PXDNL: variants seen among roughly 807,000 people sequenced by gnomAD.
The protein encoded by PXDNL is peroxidasin like, also known as probable oxidoreductase PXDNL.
PXDNL carries 145 observed loss-of-function variants against 150.8 expected under a neutral mutation model. The observed-to-expected ratio is 0.96, with a 90% CI of 0.84 to 1.10. The LOEUF is 1.10. PXDNL is among the 50% of genes least tolerant of loss of function. PXDNL has a pLI of 0.00. For synonymous variants in PXDNL, 757 were observed against 725.7 expected (o/e 1.04, Z -0.69); for missense variants, 2,087 against 1,873.9 (o/e 1.11, Z -2.10).
rs577219796 is a variant in PXDNL at position 51,496,482 on chromosome 8, G to T, written c.452+3217C>A. ...GGGTATTCAATCAGGAAAAGAGGAA[G>T]TCAAATTGTCCCTGTTTGCAGATGA... is the stretch of plus-strand genomic sequence containing the variant. On this transcript the variant is annotated intron_variant, in intron 5 of 22. Transcript: ENST00000356297. 1.5e-3 allele frequency among the ~76,000 whole-genome samples: 229 copies of T among 152,290 alleles called. 1 individual carries two copies. The highest frequency in any genetic ancestry group is 5.2e-3 in the African/African-American group (214 of 41,550).
chr8:51,750,471 C>A (rs1259783951), intron 1 of PXDNL, among the ~76,000 whole-genome samples: 1 of 152,172 alleles, frequency 6.6e-6, no homozygotes, highest in Non-Finnish European at 1.5e-5. Context: ...TGCTCTATGG[C>A]AGTAAGACAG....
intron 1 of PXDNL, among the ~76,000 whole-genome samples, chr8:51,675,111 A>C (rs902788527): frequency 2.0e-5 from 3 of 152,108 alleles, no homozygotes; most frequent in Non-Finnish European, 2.9e-5. Context: ...ACACCCTTGG[A>C]ACTCACTTGC....
At chr8:51,565,720 ATCAG>A (rs1269832478) in intron 3 of PXDNL, among the ~76,000 whole-genome samples, 1 of 151,884 alleles carries the variant, frequency 6.6e-6, no homozygotes, top group Non-Finnish European at 1.5e-5. Flanking sequence ...TAAAATTACT[ATCAG>A]TCTATGTGCA....
intron 1 of PXDNL, among the ~76,000 whole-genome samples, chr8:51,704,174 T>G (rs1816315277): frequency 6.6e-6 from 1 of 152,252 alleles, no homozygotes; most frequent in East Asian, 1.9e-4. Flanking sequence ...ATTTACCATA[T>G]AAATGTGTAC....
intron 1 of PXDNL, among the ~76,000 whole-genome samples, chr8:51,793,651 G>A (rs1368100110): frequency 1.3e-5 from 2 of 152,148 alleles, no homozygotes; most frequent in Admixed American, 6.5e-5. Flanking sequence ...CACTTTGGGA[G>A]GCCAAGGTGG....
Position 51,628,467 on chromosome 8 carries a change from G to A in PXDNL, c.236+26222C>T, listed in dbSNP as rs1367710967. On this transcript the variant is annotated intron_variant, in intron 2 of 22. Transcript: ENST00000356297. The stretch of plus-strand genomic sequence containing the variant: ...GTCACCCAGGCTGGAGTACAGTGGC[G>A]CTGTCTCAGCTCACTGCAACCTCTA... Among the ~76,000 whole-genome samples, 29 of 135,572 alleles carry A rather than the reference G, an allele frequency of 2.1e-4. 1 individual carries two copies. The highest frequency in any genetic ancestry group is 8.1e-3 in the Middle Eastern group (2 of 246). 88.9% of individuals were successfully genotyped at this position (135,572 alleles called of 152,430 possible). A position where few individuals can be genotyped will look rare whatever the true frequency, so the allele number is the denominator to read the frequency against.
At chr8:51,320,666 T>C (rs1805287786) in intron 22 of PXDNL, 118 bp downstream of exon 22, 2 of 716,366 alleles carry the variant, frequency 2.8e-6, no homozygotes, top group East Asian at 2.6e-5. Context: ...CTTAAAAATA[T>C]GCCTAGAATC....
intron 2 of PXDNL, among the ~76,000 whole-genome samples, chr8:51,642,838 G>A (rs1354041650): frequency 5.3e-5 from 8 of 152,198 alleles, no homozygotes; most frequent in African/African-American, 1.9e-4. Context: ...AACAACTTCA[G>A]CAAAGTCTCA....
At chr8:51,449,180 G>T in intron 10 of PXDNL, 62 bp from the exon 11 acceptor site, 1 of 837,532 alleles carries the variant, frequency 1.2e-6, no homozygotes, top group Non-Finnish European at 1.9e-6. Flanking sequence ...AGTGCCAATA[G>T]AAAAAAGAAA....
chr8:51,658,721 C>A (rs2130808140), intron 1 of PXDNL, among the ~76,000 whole-genome samples: 1 of 152,172 alleles, frequency 6.6e-6, no homozygotes, highest in East Asian at 1.9e-4. Context: ...GTACATTTAC[C>A]CAGAAATACA....
In PXDNL at chr8:51,790,206, A is replaced by AT. The variant is rs5891434; in HGVS notation, c.164+18974dup. ...TTTTCATGTTAATTTTCATTAATAGATTTTTTTTTTTTTGCACAAACCTCC... is the reference window on the plus strand; with the variant it reads ...TTTTCATGTTAATTTTCATTAATAGATTTTTTTTTTTTTTGCACAAACCTCC... On this transcript the variant is annotated intron_variant, in intron 1 of 22. Coordinates refer to ENST00000356297, the MANE Select transcript of PXDNL (RefSeq NM_144651.5). Among the ~76,000 whole-genome samples, 223 of 146,302 alleles carry AT rather than the reference A, an allele frequency of 1.5e-3. 1 individual carries two copies. Among genetic ancestry groups the AT allele is most frequent in the South Asian group, 0.013 (61 of 4,582 alleles).
Position 51,408,635 on chromosome 8 carries a change from C to A in PXDNL, c.2989G>T (p.Val997Phe), listed in dbSNP as rs1208587091. ...ALNPHWEGNT[V>F]YQEARKIVGA... ...ACGATCTTCCTGGCTTCCTGGTAAA[C>A]CGTGTTTCCCTCCCAGTGGGGGTTC... Residue 997 changes from valine (V) to phenylalanine (F), a missense_variant, in exon 17 of 23, where the codon GTT becomes TTT. Physicochemically the swap from Val to Phe is conservative, Grantham distance 50. Coordinates refer to ENST00000356297, the MANE Select transcript of PXDNL (RefSeq NM_144651.5). 1 of 1,608,236 alleles carries A rather than the reference C, an allele frequency of 6.2e-7. No homozygotes were observed.
chr8:51,803,056 T>C (rs148529930), intron 1 of PXDNL, among the ~76,000 whole-genome samples: 1 of 152,308 alleles, frequency 6.6e-6, no homozygotes, highest in Non-Finnish European at 1.5e-5. Flanking sequence ...TGTTTCTCTC[T>C]CCCTTTGGGG....
intron 21 of PXDNL, among the ~76,000 whole-genome samples, chr8:51,330,390 TA>T (rs113271586): frequency 0.37 from 54,999 of 150,620 alleles, 10,784 homozygotes; most frequent in African/African-American, 0.54. Context: ...AGGGCAATAT[TA>T]AAAAAAAAAT....
At chr8:51,575,633 C>T (rs114486281) in intron 3 of PXDNL, among the ~76,000 whole-genome samples, 2,242 of 151,754 alleles carry the variant, frequency 0.015, 55 homozygotes, top group African/African-American at 0.05. Context: ...GAGAATTGGT[C>T]GAACCTGGAA....
At position 51,483,708 on chromosome 8, in the gene PXDNL, C is replaced by A; in HGVS notation, c.459G>T (p.Leu153Phe). 2.0e-6 allele frequency: 3 copies of A among 1,476,702 alleles called. No individual in the cohort carries two copies. Among genetic ancestry groups the A allele is most frequent in the South Asian group, 1.2e-5 (1 of 80,602 alleles). 91.5% of individuals were successfully genotyped at this position (1,476,702 alleles called of 1,614,324 possible). A position where few individuals can be genotyped will look rare whatever the true frequency, so the allele number is the denominator to read the frequency against. Residue 153 changes from leucine to phenylalanine, a missense_variant, in exon 6 of 23, where the codon TTG (leucine) becomes TTT (phenylalanine). Transcript: ENST00000356297. ...GAATTTTAGATAATTTGTTGTTATG[C>A]AAAAATCTGAAAAAGAAAAGATAAA... ...GDLLRLERLF[L>F]HNNKLSKIPA...
At chr8:51,761,858 T>G (rs1027409437) in intron 1 of PXDNL, among the ~76,000 whole-genome samples, 1 of 152,226 alleles carries the variant, frequency 6.6e-6, no homozygotes, top group African/African-American at 2.4e-5. Flanking sequence ...ACACTCATAA[T>G]GTATTGCATG....
chr8:51,391,735 T>G (rs570520999), intron 17 of PXDNL, among the ~76,000 whole-genome samples: 256 of 152,278 alleles, frequency 1.7e-3, no homozygotes, highest in African/African-American at 2.4e-3. Flanking sequence ...AGAAGCTCTT[T>G]AGTTTAATTA....
rs142049121 is a variant in PXDNL at position 51,321,584 on chromosome 8, A to G, written c.4147-687T>C. Among the ~76,000 whole-genome samples the G allele has an allele frequency of 2.2e-3, 337 of 151,656 alleles. 4 individuals carry two copies. Among genetic ancestry groups the G allele is most frequent in the East Asian group, 0.011 (57 of 5,122 alleles). ...TCTCGGGGTAGTGAATTCTCATGAG[A>G]TCTGATGGTTTAAAGGTGTGTGGCA... On this transcript the variant is annotated intron_variant, in intron 21 of 22. Transcript: ENST00000356297.
Sources: gnomAD v4.1 joint callset for allele counts (sites outside exome capture counted in the v4.1 genomes callset) on GRCh38, gnomAD v4.1.1 for gene constraint, MANE v1.5 for transcripts, NCBI Gene and HGNC (gene_info 2026-07-23, HGNC 2026-07-21) for gene names.